ARHGEF11: variants seen among roughly 807,000 people sequenced by gnomAD.
ARHGEF11 encodes Rho guanine nucleotide exchange factor 11.
In ARHGEF11, 55 loss-of-function variants were observed where a neutral mutation model predicts 193.7. The observed-to-expected ratio is 0.28, with a 90% CI of 0.23 to 0.36. ARHGEF11 has a LOEUF of 0.36. ARHGEF11 is among the 10% of genes least tolerant of loss of function. The pLI, the probability that ARHGEF11 is intolerant of heterozygous loss-of-function variation, is 1.00. For missense variants in ARHGEF11, 1,723 were observed against 2,005.6 expected, an observed-to-expected ratio of 0.86 and a Z score of 2.69; for synonymous variants, 693 against 768.0, an observed-to-expected ratio of 0.90 and a Z score of 1.62.
chr1:156,962,075 C>T (rs1186872308), intron 13 of ARHGEF11, among the ~76,000 whole-genome samples: 2 of 152,360 alleles, frequency 1.3e-5, no homozygotes, highest in East Asian at 3.9e-4. Flanking sequence ...GGCACATCTT[C>T]AACACTGATC....
intron 1 of ARHGEF11, among the ~76,000 whole-genome samples, chr1:157,028,243 G>A (rs2102978849): frequency 6.6e-6 from 1 of 152,288 alleles, no homozygotes; most frequent in South Asian, 2.1e-4. Context: ...TGGGGAGCTG[G>A]CTTGTTAATT....
rs1557842128 is a variant in ARHGEF11 at position 156,948,941 on chromosome 1, G to A, written c.1926-443C>T. ...GTTGCCTCTGCTTTGGAACGGGTCAGCTCCCACCTTTAACTCTGCCTGAGG... is the reference window on the plus strand; with the variant it reads ...GTTGCCTCTGCTTTGGAACGGGTCAACTCCCACCTTTAACTCTGCCTGAGG... On this transcript the variant is annotated intron_variant, in intron 22 of 40. Transcript: ENST00000368194. This position sits in a 1 kb window ranked among gnomAD's most constrained non-coding sequence, Gnocchi z 4.2. The A allele has an allele frequency of 1.0e-6, 1 of 985,302 alleles. No homozygotes were observed. The highest frequency in any genetic ancestry group is 1.7e-5 in the African/African-American group (1 of 57,240). 61.0% of individuals were successfully genotyped at this position (985,302 alleles called of 1,614,324 possible).
upstream of ARHGEF11, among the ~76,000 whole-genome samples, chr1:157,046,891 A>G (rs1487487556): frequency 6.6e-6 from 1 of 151,656 alleles, no homozygotes; most frequent in Non-Finnish European, 1.5e-5. Flanking sequence ...CGTGCCTGTA[A>G]TCCCAGCTAC....
intron 1 of ARHGEF11, among the ~76,000 whole-genome samples, chr1:156,992,420 T>C (rs1665872111): frequency 6.6e-6 from 1 of 152,146 alleles, no homozygotes; most frequent in Non-Finnish European, 1.5e-5. Context: ...AGTGTGGACT[T>C]CCCGGTATGC....
At chr1:157,029,341 C>A (rs141606783) in intron 1 of ARHGEF11, among the ~76,000 whole-genome samples, 1 of 152,056 alleles carries the variant, frequency 6.6e-6, no homozygotes, top group African/African-American at 2.4e-5. Context: ...GCAATCTCAG[C>A]TCACTACAAC....
intron 1 of ARHGEF11, among the ~76,000 whole-genome samples, chr1:157,004,474 C>T (rs909260717): frequency 6.6e-6 from 1 of 152,164 alleles, no homozygotes; most frequent in Non-Finnish European, 1.5e-5. Flanking sequence ...TAATTAGGCC[C>T]ATACCATCAG....
At chr1:157,003,358 C>G (rs961779928) in intron 1 of ARHGEF11, among the ~76,000 whole-genome samples, 10 of 152,218 alleles carry the variant, frequency 6.6e-5, no homozygotes, top group Admixed American at 3.9e-4. Flanking sequence ...TGCCAGTGTT[C>G]TAAAACCTCA....
At chr1:156,952,974 C>T (rs376448495) in intron 21 of ARHGEF11, among the ~76,000 whole-genome samples, 1 of 152,250 alleles carries the variant, frequency 6.6e-6, no homozygotes, top group Non-Finnish European at 1.5e-5. Context: ...TGAAAGCCGG[C>T]AGGCTGAGTC....
chr1:156,963,146 G>T, intron 13 of ARHGEF11, 57 bp downstream of exon 13: 1 of 1,348,518 alleles, frequency 7.4e-7, no homozygotes, highest in Non-Finnish European at 1.1e-6. Context: ...AGAGGCTAGA[G>T]GTCCTCTCTG....
chr1:157,020,013 G>C (rs1669769883), intron 1 of ARHGEF11, among the ~76,000 whole-genome samples: 1 of 151,946 alleles, frequency 6.6e-6, no homozygotes. Context: ...TGTAGTCCCA[G>C]CTACTCGGGA....
intron 3 of ARHGEF11, among the ~76,000 whole-genome samples, chr1:156,983,606 T>G (rs1284765585): frequency 6.6e-6 from 1 of 152,232 alleles, no homozygotes; most frequent in Non-Finnish European, 1.5e-5. Context: ...TTTTGACTGT[T>G]CACACCCCTT....
intron 1 of ARHGEF11, among the ~76,000 whole-genome samples, chr1:157,020,534 T>C (rs1169445266): frequency 1.3e-5 from 2 of 152,208 alleles, no homozygotes; most frequent in Non-Finnish European, 2.9e-5. Context: ...AATCACAATA[T>C]GTACATACAG....
At chr1:156,949,087 T>C in intron 22 of ARHGEF11, 1 of 985,422 alleles carries the variant, frequency 1.0e-6, no homozygotes, top group East Asian at 1.1e-4. Flanking sequence ...AGCCTTCCAG[T>C]TGTGATGTGG....
At position 156,940,209 on chromosome 1, in the gene ARHGEF11, T is replaced by C; in HGVS notation, c.3731A>G (p.Asp1244Gly). 1 of 1,576,024 alleles carries C rather than the reference T, an allele frequency of 6.3e-7. No homozygotes were observed. The highest frequency in any genetic ancestry group is 8.6e-7 in the Non-Finnish European group (1 of 1,157,686). ...MEGLADSALE[D>G]VENLRHLILW... Reference sequence around the variant, plus strand: ...CGGCAGGGCCTTGAAGCACTCACCATCTTCCAGAGCGGAGTCAGCGAGCCC... The same window carrying C: ...CGGCAGGGCCTTGAAGCACTCACCACCTTCCAGAGCGGAGTCAGCGAGCCC... The change falls in exon 36 of 41, where the codon GAT becomes GGT. Residue 1244 changes from aspartate (D) to glycine (G), a missense_variant and splice_region_variant. This residue lies in a region of ARHGEF11 where 203 missense variants were observed against 237.3 expected (regional missense o/e 0.86). Coordinates refer to ENST00000368194, the MANE Select transcript of ARHGEF11 (RefSeq NM_198236.3).
Position 156,936,966 on chromosome 1 carries a change from C to T in ARHGEF11, c.4480G>A (p.Gly1494Arg). The change falls in exon 40 of 41, where the codon GGG (glycine) becomes AGG (arginine). Residue 1494 changes from glycine to arginine, a missense_variant. Physicochemically the swap from Gly to Arg is moderately radical, Grantham distance 125. Coordinates refer to ENST00000368194, the MANE Select transcript of ARHGEF11 (RefSeq NM_198236.3). ...GTGGTGCCACCAGATGACTCTCCCC[C>T]AAGGGACTTGAGCAGCTCTCTGTGG... ...LAHRELLKSL[G>R]GESSGGTTPV... is the part of the protein sequence containing the mutation. The T allele has an allele frequency of 6.2e-7, 1 of 1,614,150 alleles. No homozygotes were observed.
At chr1:156,960,549 A>G (rs1470158017) in intron 14 of ARHGEF11, 89 bp from the exon 15 acceptor site, 7 of 1,290,830 alleles carry the variant, frequency 5.4e-6, no homozygotes, top group Non-Finnish European at 7.8e-6. Context: ...GCTTGGCCAC[A>G]TGAACTTCTT....
chr1:156,993,216 T>C (rs1452742824), intron 1 of ARHGEF11, among the ~76,000 whole-genome samples: 7 of 152,218 alleles, frequency 4.6e-5, no homozygotes, highest in African/African-American at 1.7e-4. Context: ...GACTTCAAGG[T>C]CTGTGCTCCT....
At chr1:157,036,102 T>C (rs1671978049) in intron 1 of ARHGEF11, among the ~76,000 whole-genome samples, 1 of 143,376 alleles carries the variant, frequency 7.0e-6, no homozygotes, top group Non-Finnish European at 1.5e-5. Flanking sequence ...AATACATATA[T>C]GAATATATAT....
intron 1 of ARHGEF11, among the ~76,000 whole-genome samples, chr1:156,989,855 T>C (rs1421216206): frequency 6.6e-6 from 1 of 152,230 alleles, no homozygotes; most frequent in Non-Finnish European, 1.5e-5. Flanking sequence ...TTGTAACATT[T>C]GCTTTATCTA....
Sources: gnomAD v4.1 joint callset for allele counts (sites outside exome capture counted in the v4.1 genomes callset) on GRCh38, gnomAD v4.1.1 for gene constraint, gnomAD v4.1.1 regional missense constraint, Gnocchi (gnomAD v3.1) non-coding constraint, MANE v1.5 for transcripts, NCBI Gene and HGNC (gene_info 2026-07-23, HGNC 2026-07-21) for gene names.